The following CA10 variants were observed in gnomAD, a reference collection of about 807,000 sequenced individuals.
The protein encoded by CA10 is carbonic anhydrase 10 (inactive), also known as carbonic anhydrase-related protein 10.
In CA10, 14 loss-of-function variants were observed where a neutral mutation model predicts 44.2. That is an observed-to-expected ratio of 0.32 (90% confidence interval 0.21 to 0.50). CA10 has a LOEUF of 0.50. Ranked by LOEUF, CA10 falls within the 20% of genes least tolerant of loss-of-function variation. The pLI, the probability that CA10 is intolerant of heterozygous loss-of-function variation, is 0.99. For missense variants in CA10, 350 were observed against 409.7 expected (o/e 0.85, Z 1.26); for synonymous variants, 159 against 141.6 (o/e 1.12, Z -0.87).
intron 4 of CA10, among the ~76,000 whole-genome samples, chr17:51,746,623 A>G (rs942999721): frequency 2.0e-5 from 3 of 151,908 alleles, no homozygotes; most frequent in Admixed American, 1.3e-4. Flanking sequence ...TGAATGTAGC[A>G]CTCTTTGAGC....
intron 3 of CA10, among the ~76,000 whole-genome samples, chr17:51,922,714 GCCATCTT>G (rs1982281918): frequency 6.6e-6 from 1 of 152,002 alleles, no homozygotes; most frequent in African/African-American, 2.4e-5. Context: ...ATCCACTAGA[GCCATCTT>G]CCATGAAGCA....
chr17:51,991,840 G>A (rs1396010813), intron 2 of CA10, among the ~76,000 whole-genome samples: 2 of 151,986 alleles, frequency 1.3e-5, no homozygotes, highest in South Asian at 2.1e-4. Context: ...TTTTGTTGAT[G>A]CTAGGCATTC....
In CA10 at chr17:51,699,777, G is replaced by A. The variant is rs1306196932; in HGVS notation, c.466-46041C>T. On this transcript the variant is annotated intron_variant, in intron 4 of 8. Transcript: ENST00000451037. ...CAATGAAAAATTCTCCCCAGCAGAT[G>A]TGTATACCAGCTTCATCCCCATGTG... Among the ~76,000 whole-genome samples, 5 of 152,280 alleles carry A rather than the reference G, an allele frequency of 3.3e-5. No homozygotes were observed. The East Asian group carries it at 9.7e-4, about 29-fold the overall frequency.
chr17:51,843,921 C>T (rs983453412), intron 3 of CA10, among the ~76,000 whole-genome samples: 23 of 152,108 alleles, frequency 1.5e-4, no homozygotes, highest in African/African-American at 5.3e-4. Context: ...AATCAGTCCC[C>T]ATTCAAAATC....
chr17:51,641,624 T>G (rs781148248), intron 6 of CA10, among the ~76,000 whole-genome samples: 1 of 152,162 alleles, frequency 6.6e-6, no homozygotes, highest in Non-Finnish European at 1.5e-5. Flanking sequence ...AACCTTTGGT[T>G]TTTTGACATG....
chr17:51,753,904 C>T (rs528372052), intron 3 of CA10, among the ~76,000 whole-genome samples: 39 of 152,212 alleles, frequency 2.6e-4, no homozygotes, highest in African/African-American at 8.9e-4. Flanking sequence ...AGTGCAGTGG[C>T]GTGATCTTGG....
At chr17:51,641,126 CCT>C (rs1913063075) in intron 6 of CA10, among the ~76,000 whole-genome samples, 2 of 122,882 alleles carry the variant, frequency 1.6e-5, no homozygotes, top group Admixed American at 1.8e-4. Flanking sequence ...CTACCTATCC[CCT>C]CTTTCTCTCT....
chr17:51,754,398 GTGATAT>G (rs1340627327), intron 3 of CA10, among the ~76,000 whole-genome samples: 5 of 96,484 alleles, frequency 5.2e-5, no homozygotes, highest in Non-Finnish European at 8.1e-5. Context: ...CTGTGTGTGT[GTGATAT>G]ATATATATAT....
chr17:51,699,252 G>A (rs971492823), intron 4 of CA10, among the ~76,000 whole-genome samples: 2 of 151,986 alleles, frequency 1.3e-5, no homozygotes. Context: ...GAACCCAGGA[G>A]GTGGACCTTG....
chr17:51,692,429 T>C (rs923902268), intron 4 of CA10, among the ~76,000 whole-genome samples: 2 of 66,286 alleles, frequency 3.0e-5, no homozygotes, highest in African/African-American at 6.6e-5. Context: ...CTATCTATTT[T>C]ACCATTTACC....
intron 4 of CA10, among the ~76,000 whole-genome samples, chr17:51,730,861 G>A (rs1278486312): frequency 2.0e-5 from 3 of 151,562 alleles, no homozygotes; most frequent in African/African-American, 7.3e-5. Flanking sequence ...TTTGGAAAGT[G>A]TCCTACATCT....
intron 1 of CA10, among the ~76,000 whole-genome samples, chr17:52,129,870 C>T (rs929433772): frequency 6.6e-6 from 1 of 152,136 alleles, no homozygotes; most frequent in African/African-American, 2.4e-5. Context: ...AGAATAAAGA[C>T]AACACCAGTA....
intron 1 of CA10, among the ~76,000 whole-genome samples, chr17:52,120,744 A>AG (rs376313448): frequency 1.7e-3 from 265 of 152,264 alleles, no homozygotes; most frequent in African/African-American, 6.1e-3. Context: ...CGCCTCATGC[A>AG]GGGGGAGAAG....
chr17:52,101,087 GAAT>G (rs1452430497), intron 1 of CA10, among the ~76,000 whole-genome samples: 1 of 152,148 alleles, frequency 6.6e-6, no homozygotes, highest in African/African-American at 2.4e-5. Context: ...ACAACCCTGA[GAAT>G]AATGTAAGCT....
intron 2 of CA10, among the ~76,000 whole-genome samples, chr17:52,047,644 C>G (rs1007969382): frequency 6.6e-6 from 1 of 151,900 alleles, no homozygotes; most frequent in African/African-American, 2.4e-5. Flanking sequence ...AAGACAATAA[C>G]TATCATCCAG....
chr17:52,106,577 C>T lies in CA10; in HGVS notation c.62-34184G>A, dbSNP rs77602360. 6.0e-3 allele frequency among the ~76,000 whole-genome samples: 915 copies of T among 152,246 alleles called. 48 individuals carry two copies. The highest frequency in any genetic ancestry group is 0.044 in the Admixed American group (671 of 15,298). ...TCTTCCACCTGATGGCCACCAAGAG[C>T]CCTGACAATGATGGAATAGCAAGCT... On this transcript the variant is annotated intron_variant, in intron 1 of 8. Transcript: ENST00000451037.
At chr17:51,983,424 T>C (rs1028508653) in intron 2 of CA10, among the ~76,000 whole-genome samples, 4 of 151,864 alleles carry the variant, frequency 2.6e-5, no homozygotes, top group Admixed American at 6.6e-5. Flanking sequence ...CAAAAGTACA[T>C]TGGAAATCTT....
rs368350526 is a variant in CA10 at position 52,157,529 on chromosome 17, A to ACCCCC, written c.61+192_61+196dup. Among the ~76,000 whole-genome samples the ACCCCC allele has an allele frequency of 1.9e-3, 205 of 110,338 alleles. 4 individuals carry two copies. The highest frequency in any genetic ancestry group is 2.9e-3 in the South Asian group (9 of 3,102). 72.4% of individuals were successfully genotyped at this position (110,338 alleles called of 152,430 possible). ...CTAGGACTGCACACAGATCCTAACCACCCCCCCCCGCAAAACACACACATT... is the reference window on the plus strand; with the variant it reads ...CTAGGACTGCACACAGATCCTAACCACCCCCCCCCCCCCCGCAAAACACACACATT... On this transcript the variant is annotated intron_variant, in intron 1 of 8. Transcript: ENST00000451037.
At chr17:51,945,313 G>T (rs2144023290) in intron 2 of CA10, among the ~76,000 whole-genome samples, 1 of 152,250 alleles carries the variant, frequency 6.6e-6, no homozygotes, top group South Asian at 2.1e-4. Context: ...CAGAGTATTA[G>T]CTTTCCGGGA....
Sources: allele counts gnomAD v4.1 joint callset (sites outside exome capture counted in the v4.1 genomes callset), GRCh38; gene constraint gnomAD v4.1.1; transcripts MANE v1.5; gene names NCBI Gene and HGNC (gene_info 2026-07-23, HGNC 2026-07-21).